The following GLIPR1L2 variants were observed in gnomAD, a reference collection of about 807,000 sequenced individuals.
GLIPR1L2 encodes the protein GLIPR1-like protein 2.
GLIPR1L2 carries 21 observed loss-of-function variants against 28.4 expected under a neutral mutation model. That is an observed-to-expected ratio of 0.74 (90% CI 0.52 to 1.06). The LOEUF is 1.06. Among genes scored for constraint, GLIPR1L2 ranks in the 50% least tolerant of loss-of-function variants. The pLI is 0.00. For missense variants in GLIPR1L2, 476 were observed against 416.9 expected, an observed-to-expected ratio of 1.14 and a Z score of -1.23; for synonymous variants, 145 against 139.3, an observed-to-expected ratio of 1.04 and a Z score of -0.29.
At chr12:75,413,566 A>G in intron 2 of GLIPR1L2, 32 bp from the exon 3 acceptor site, 1 of 1,218,862 alleles carries the variant, frequency 8.2e-7, no homozygotes, top group Non-Finnish European at 1.2e-6. Flanking sequence ...TTAAAATTAA[A>G]TTTTGTGTCT....
Position 75,430,979 on chromosome 12 carries a change from C to T in GLIPR1L2, c.853C>T (p.Gln285Ter). The change falls in exon 6 of 6, where the codon CAA becomes TAA. Residue 285 changes from glutamine to a stop codon, truncating the protein, a stop_gained. Transcript: ENST00000550916. LOFTEE classifies it low-confidence loss of function (END_TRUNC). ...QSQFPNILLE[Q>*]QMIFTPEESE... ...TCAGTTTCCAAATATCTTGTTGGAA[C>T]AACAAATGATATTTACCCCTGAGGA... is the stretch of plus-strand genomic sequence containing the variant. 1.3e-6 allele frequency: 2 copies of T among 1,534,458 alleles called. No homozygotes were observed. The highest frequency in any genetic ancestry group is 1.7e-6 in the Non-Finnish European group (2 of 1,146,310).
At position 75,391,141 on chromosome 12, in the gene GLIPR1L2, C is replaced by G; in HGVS notation, c.25C>G (p.Arg9Gly). 2 of 1,613,868 alleles carry G rather than the reference C, an allele frequency of 1.2e-6. No individual in the cohort carries two copies. The highest frequency in any genetic ancestry group is 1.7e-6 in the Non-Finnish European group (2 of 1,179,916). ...CATGGAGGCCGCAAGGCCCTTCGCC[C>G]GGGAGTGGAGGGCCCAGTCCCTACC... is the stretch of plus-strand genomic sequence containing the variant. Reference protein sequence around the residue: MEAARPFAREWRAQSLPLA... With the variant: MEAARPFAGEWRAQSLPLA... Residue 9 changes from arginine (R) to glycine (G), a missense_variant, in exon 1 of 6, where the codon CGG (arginine) becomes GGG (glycine). By Grantham distance (125) the Arg-to-Gly change is moderately radical. Transcript: ENST00000550916.
intron 5 of GLIPR1L2, 22 bp downstream of exon 5, chr12:75,430,763 T>G (rs1201705032): frequency 6.5e-7 from 1 of 1,534,552 alleles, no homozygotes; most frequent in Non-Finnish European, 8.7e-7. Flanking sequence ...TGTCCTTTAT[T>G]TCTTGAACAA....
intron 1 of GLIPR1L2, among the ~76,000 whole-genome samples, chr12:75,401,746 A>C (rs922172409): frequency 2.0e-5 from 3 of 152,116 alleles, no homozygotes; most frequent in African/African-American, 7.2e-5. Context: ...GAATTAAGCA[A>C]CATTCTTCAA....
At chr12:75,397,792 T>C (rs1163626116) in intron 1 of GLIPR1L2, among the ~76,000 whole-genome samples, 4 of 152,178 alleles carry the variant, frequency 2.6e-5, no homozygotes, top group African/African-American at 9.7e-5. Context: ...TTTGGTGGTC[T>C]GCTTCATTTA....
At chr12:75,394,940 T>C (rs2045667937) in intron 1 of GLIPR1L2, among the ~76,000 whole-genome samples, 1 of 151,880 alleles carries the variant, frequency 6.6e-6, no homozygotes, top group African/African-American at 2.4e-5. Flanking sequence ...TTATTTTCAG[T>C]ATATATGTTT....
intron 1 of GLIPR1L2, among the ~76,000 whole-genome samples, chr12:75,409,588 C>G (rs1348307410): frequency 4.6e-5 from 6 of 129,992 alleles, no homozygotes; most frequent in African/African-American, 1.3e-4. Context: ...TACACACACA[C>G]ATATATATAT....
chr12:75,401,207 AAT>A (rs1248428607), intron 1 of GLIPR1L2, among the ~76,000 whole-genome samples: 8 of 151,738 alleles, frequency 5.3e-5, no homozygotes, highest in African/African-American at 1.9e-4. Flanking sequence ...TGTTATCATA[AAT>A]ATGAGTGAAT....
At chr12:75,393,589 G>A (rs970600396) in intron 1 of GLIPR1L2, among the ~76,000 whole-genome samples, 1 of 152,012 alleles carries the variant, frequency 6.6e-6, no homozygotes, top group African/African-American at 2.4e-5. Flanking sequence ...TCTTTTTACA[G>A]CTGAATAATA....
chr12:75,410,658 A>G lies in GLIPR1L2; in HGVS notation c.459A>G (p.Gly153=). ...ATTTTGAAAATGGCAGTTGCTCTGG[A>G]GACTGTTCTAATTATATTCAGGTAT... The part of the protein sequence containing the change: ...MYNFENGSCS[G]DCSNYIQLVW... Residue 153 remains glycine (G), a synonymous_variant, in exon 2 of 6, where the codon GGA becomes GGG. Coordinates refer to ENST00000550916, the MANE Select transcript of GLIPR1L2 (RefSeq NM_001270396.2). The G allele has an allele frequency of 6.2e-7, 1 of 1,607,644 alleles. No individual in the cohort carries two copies. Among genetic ancestry groups the G allele is most frequent in the Non-Finnish European group, 8.5e-7 (1 of 1,175,274 alleles).
At chr12:75,395,571 C>T (rs1012121431) in intron 1 of GLIPR1L2, among the ~76,000 whole-genome samples, 1 of 151,658 alleles carries the variant, frequency 6.6e-6, no homozygotes, top group African/African-American at 2.4e-5. Flanking sequence ...CCAATGACTC[C>T]ATCTGGTTCT....
intron 4 of GLIPR1L2, 80 bp from the exon 5 acceptor site, chr12:75,430,635 C>G (rs1223437504): frequency 1.5e-6 from 2 of 1,298,230 alleles, no homozygotes; most frequent in Non-Finnish European, 2.1e-6. Flanking sequence ...GAAAGTGACA[C>G]TATTATTGGG....
chr12:75,396,565 A>G (rs1339258655), intron 1 of GLIPR1L2, among the ~76,000 whole-genome samples: 2 of 152,180 alleles, frequency 1.3e-5, no homozygotes, highest in Admixed American at 6.5e-5. Context: ...CTTGAATGAT[A>G]TTGTTCTCTC....
chr12:75,427,018 C>A (rs1191531519), intron 4 of GLIPR1L2, among the ~76,000 whole-genome samples: 1 of 151,816 alleles, frequency 6.6e-6, no homozygotes, highest in Non-Finnish European at 1.5e-5. Context: ...CTCAAACAAT[C>A]TGAGAGTTAT....
At chr12:75,397,780 G>A (rs1456011055) in intron 1 of GLIPR1L2, among the ~76,000 whole-genome samples, 1 of 151,994 alleles carries the variant, frequency 6.6e-6, no homozygotes, top group Non-Finnish European at 1.5e-5. Context: ...TTCTAGGAAG[G>A]GTTTGGTGGT....
At chr12:75,426,190 A>G (rs955902213) in intron 4 of GLIPR1L2, among the ~76,000 whole-genome samples, 2 of 152,246 alleles carry the variant, frequency 1.3e-5, no homozygotes, top group Non-Finnish European at 2.9e-5. Context: ...CACAGTAGAC[A>G]TAGACTAGTA....
At chr12:75,414,717 ACTG>A (rs748486926) in intron 3 of GLIPR1L2, among the ~76,000 whole-genome samples, 19 of 151,978 alleles carry the variant, frequency 1.3e-4, no homozygotes, top group Admixed American at 2.6e-4. Context: ...AAAAATTACT[ACTG>A]ATTGGTCTTG....
intron 2 of GLIPR1L2, among the ~76,000 whole-genome samples, chr12:75,413,237 C>T (rs1201360998): frequency 8.6e-5 from 13 of 151,434 alleles, no homozygotes; most frequent in African/African-American, 2.7e-4. Flanking sequence ...GGAGATATAC[C>T]TAATGCTAAA....
At chr12:75,414,285 T>C (rs2045902730) in intron 3 of GLIPR1L2, among the ~76,000 whole-genome samples, 1 of 152,010 alleles carries the variant, frequency 6.6e-6, no homozygotes, top group African/African-American at 2.4e-5. Flanking sequence ...TTCCATTTCT[T>C]GAGAGCTCTT....
Sources: gnomAD v4.1 joint callset for allele counts (sites outside exome capture counted in the v4.1 genomes callset) on GRCh38, gnomAD v4.1.1 for gene constraint, MANE v1.5 for transcripts, NCBI Gene and HGNC (gene_info 2026-07-23, HGNC 2026-07-21) for gene names.